B3GNT5: variants seen among roughly 807,000 people sequenced by gnomAD.
B3GNT5 encodes the protein UDP-GlcNAc:betaGal beta-1,3-N-acetylglucosaminyltransferase 5, also known as lactosylceramide 1,3-N-acetyl-beta-D-glucosaminyltransferase.
In B3GNT5, 11 loss-of-function variants were observed where a neutral mutation model predicts 25.9. The observed-to-expected ratio is 0.42, with a 90% CI of 0.27 to 0.70. B3GNT5 has a LOEUF of 0.70. Among genes scored for constraint, B3GNT5 ranks in the 30% least tolerant of loss-of-function variants. The pLI, the probability that B3GNT5 is intolerant of heterozygous loss-of-function variation, is 0.23. For synonymous variants in B3GNT5, 166 were observed against 158.6 expected (o/e 1.05, Z -0.35); for missense variants, 385 against 458.4 (o/e 0.84, Z 1.46).
At chr3:183,256,542 C>T (rs1421911138) in intron 1 of B3GNT5, among the ~76,000 whole-genome samples, 1 of 152,124 alleles carries the variant, frequency 6.6e-6, no homozygotes, top group East Asian at 1.9e-4. Flanking sequence ...CCATAGAAGG[C>T]TTTAACACTA....
At chr3:183,268,327 T>C (rs951217546) in intron 1 of B3GNT5, among the ~76,000 whole-genome samples, 29 of 152,132 alleles carry the variant, frequency 1.9e-4, no homozygotes, top group African/African-American at 7.0e-4. Flanking sequence ...TTAAAAGAGC[T>C]CAGTTTGTCT....
chr3:183,272,789 T>C lies in B3GNT5; in HGVS notation c.*1854T>C, dbSNP rs946947901. The C allele has an allele frequency of 5.2e-6, 6 of 1,146,302 alleles. No homozygotes were observed. The highest frequency in any genetic ancestry group is 3.7e-5 in the South Asian group (1 of 26,856). The allele number at this position is 1,146,302 out of a possible 1,614,324, so 71.0% of individuals were successfully genotyped here. A position where few individuals can be genotyped will look rare whatever the true frequency, so the allele number is the denominator to read the frequency against. On this transcript the variant is annotated 3_prime_UTR_variant, in exon 2 of 2. Transcript: ENST00000326505. ...TATTGCCTTTTGCCCATATATACCC[T>C]GTGTATCTATACTTGGAAGTGTTTA...
At position 183,273,253 on chromosome 3, in the gene B3GNT5, A is replaced by T; in HGVS notation, c.*2318A>T. 2.7e-6 allele frequency: 1 copy of T among 368,298 alleles called. No individual in the cohort carries two copies. The allele number at this position is 368,298 out of a possible 1,614,324, so 22.8% of individuals were successfully genotyped here. A position where few individuals can be genotyped will look rare whatever the true frequency, so the allele number is the denominator to read the frequency against. ...TTTTTTTACCTTTTGGTTGGTTTGCATCTTTTTTCCATATTGTTAATTTTA... is the reference window on the plus strand; with the variant it reads ...TTTTTTTACCTTTTGGTTGGTTTGCTTCTTTTTTCCATATTGTTAATTTTA... On this transcript the variant is annotated 3_prime_UTR_variant, in exon 2 of 2. Coordinates refer to ENST00000326505, the MANE Select transcript of B3GNT5 (RefSeq NM_032047.5).
intron 1 of B3GNT5, chr3:183,265,224 G>A (rs1305840356): frequency 2.0e-5 from 3 of 152,178 alleles, no homozygotes; most frequent in Non-Finnish European, 2.9e-5. Flanking sequence ...AATAAATCTG[G>A]CCCCAAACAG....
At chr3:183,261,563 C>T (rs1725587138) in intron 1 of B3GNT5, among the ~76,000 whole-genome samples, 2 of 152,114 alleles carry the variant, frequency 1.3e-5, no homozygotes, top group African/African-American at 2.4e-5. Context: ...ACTTTCTAAG[C>T]ATATCACTTT....
intron 1 of B3GNT5, among the ~76,000 whole-genome samples, chr3:183,254,977 A>C (rs971650480): frequency 6.6e-6 from 1 of 152,212 alleles, no homozygotes; most frequent in African/African-American, 2.4e-5. Flanking sequence ...CACCCTGTAC[A>C]TTCTTGGCCG....
Position 183,267,494 on chromosome 3 carries a change from A to T in B3GNT5, c.-301-2004A>T, listed in dbSNP as rs1726267605. On this transcript the variant is annotated intron_variant, in intron 1 of 1. Coordinates refer to ENST00000326505, the MANE Select transcript of B3GNT5 (RefSeq NM_032047.5). The surrounding 1 kb of genome is among the most constrained non-coding windows in gnomAD (Gnocchi z 5.5). The stretch of plus-strand genomic sequence containing the variant: ...GCTAGGCCCATTCTGCAGGGCACTC[A>T]GTGTGTACAGTTGGTTTTCTATCAG... 6.6e-6 allele frequency among the ~76,000 whole-genome samples: 1 copy of T among 152,212 alleles called. No individual in the cohort carries two copies. Among genetic ancestry groups the T allele is most frequent in the African/African-American group, 2.4e-5 (1 of 41,454 alleles).
rs577147009 is a variant in B3GNT5 at position 183,270,573 on chromosome 3, G to A, written c.775G>A (p.Val259Ile). 2 of 1,614,190 alleles carry A rather than the reference G, an allele frequency of 1.2e-6. No individual in the cohort carries two copies. Among genetic ancestry groups the A allele is most frequent in the East Asian group, 2.2e-5 (1 of 44,880 alleles). Residue 259 changes from valine to isoleucine, a missense_variant, in exon 2 of 2, where the codon GTA (valine) becomes ATA (isoleucine). Val to Ile is a conservative substitution (Grantham distance 29). Coordinates refer to ENST00000326505, the MANE Select transcript of B3GNT5 (RefSeq NM_032047.5). This position sits in a 1 kb window ranked among gnomAD's most constrained non-coding sequence, Gnocchi z 4.5. Reference protein sequence around the residue: ...YPDYTAGAAYVISGDVAAKVY... With the variant: ...YPDYTAGAAYIISGDVAAKVY... Reference sequence around the variant, plus strand: ...TGACTACACAGCCGGAGCTGCCTATGTAATCTCCGGTGATGTAGCTGCCAA... The same window carrying A: ...TGACTACACAGCCGGAGCTGCCTATATAATCTCCGGTGATGTAGCTGCCAA...
chr3:183,267,891 C>A lies in B3GNT5; in HGVS notation c.-301-1607C>A, dbSNP rs555326990. ...TTTGAGTAAACAGTGGCTCCACCCCCGGCATGGTTCTTTGCACCAACATTT... is the reference window on the plus strand; with the variant it reads ...TTTGAGTAAACAGTGGCTCCACCCCAGGCATGGTTCTTTGCACCAACATTT... On this transcript the variant is annotated intron_variant, in intron 1 of 1. Coordinates refer to ENST00000326505, the MANE Select transcript of B3GNT5 (RefSeq NM_032047.5). The surrounding 1 kb of genome is among the most constrained non-coding windows in gnomAD (Gnocchi z 5.5). 3.3e-5 allele frequency among the ~76,000 whole-genome samples: 5 copies of A among 152,320 alleles called. No individual in the cohort carries two copies. The highest frequency in any genetic ancestry group is 1.2e-4 in the African/African-American group (5 of 41,562).
chr3:183,261,625 T>C (rs1479585611), intron 1 of B3GNT5, among the ~76,000 whole-genome samples: 2 of 152,206 alleles, frequency 1.3e-5, no homozygotes, highest in South Asian at 2.1e-4. Flanking sequence ...AAGTATTAAA[T>C]TGATTTTTTA....
At position 183,270,243 on chromosome 3, in the gene B3GNT5, G is replaced by A; in HGVS notation, c.445G>A (p.Glu149Lys). ...GEELQRKLAW[E>K]DQRYNDIIQQ... ...AGAACTACAAAGAAAACTGGCTTGGGAAGATCAAAGGTACAATGATATAAT... is the reference window on the plus strand; with the variant it reads ...AGAACTACAAAGAAAACTGGCTTGGAAAGATCAAAGGTACAATGATATAAT... The change falls in exon 2 of 2, where the codon GAA (glutamate) becomes AAA (lysine). Residue 149 changes from glutamate to lysine, a missense_variant. By Grantham distance (56) the Glu-to-Lys change is moderately conservative. Coordinates refer to ENST00000326505, the MANE Select transcript of B3GNT5 (RefSeq NM_032047.5). The surrounding 1 kb of genome is among the most constrained non-coding windows in gnomAD (Gnocchi z 4.5). 1 of 1,614,150 alleles carries A rather than the reference G, an allele frequency of 6.2e-7. No individual in the cohort carries two copies. Among genetic ancestry groups the A allele is most frequent in the South Asian group, 1.1e-5 (1 of 91,084 alleles).
chr3:183,261,192 G>GA (rs1204290516), intron 1 of B3GNT5, among the ~76,000 whole-genome samples: 2 of 152,230 alleles, frequency 1.3e-5, no homozygotes, highest in African/African-American at 4.8e-5. Context: ...AATTTATTAA[G>GA]AAAAAATCTA....
intron 1 of B3GNT5, among the ~76,000 whole-genome samples, chr3:183,261,020 A>G (rs1026801155): frequency 6.6e-6 from 1 of 152,206 alleles, no homozygotes; most frequent in Non-Finnish European, 1.5e-5. Context: ...TAGAGGTCTT[A>G]TATTGGAAAT....
Position 183,271,701 on chromosome 3 carries a change from G to GA in B3GNT5, c.*769dup, listed in dbSNP as rs1354792586. 6.0e-6 allele frequency: 1 copy of GA among 166,932 alleles called. No individual in the cohort carries two copies. The highest frequency in any genetic ancestry group is 1.5e-5 in the Non-Finnish European group (1 of 68,080). 10.3% of individuals were successfully genotyped at this position (166,932 alleles called of 1,614,324 possible). On this transcript the variant is annotated 3_prime_UTR_variant, in exon 2 of 2. Coordinates refer to ENST00000326505, the MANE Select transcript of B3GNT5 (RefSeq NM_032047.5). Reference sequence around the variant, plus strand: ...TGCTCATAGGGTCCTTCTCTAGGGAGAAACCATTGTTAATTCAAATAAGCT... The same window carrying GA: ...TGCTCATAGGGTCCTTCTCTAGGGAGAAAACCATTGTTAATTCAAATAAGCT...
intron 1 of B3GNT5, among the ~76,000 whole-genome samples, chr3:183,259,109 A>G (rs1725352237): frequency 6.6e-6 from 1 of 152,170 alleles, no homozygotes; most frequent in African/African-American, 2.4e-5. Context: ...CCAACTGCAT[A>G]TGGGTTTCTA....
intron 1 of B3GNT5, among the ~76,000 whole-genome samples, chr3:183,256,941 G>A (rs986879638): frequency 3.9e-5 from 6 of 152,220 alleles, no homozygotes; most frequent in Middle Eastern, 3.4e-3. Context: ...CAGTATTTGC[G>A]ATGTGTTAAA....
intron 1 of B3GNT5, among the ~76,000 whole-genome samples, chr3:183,255,131 C>T (rs749160479): frequency 7.2e-5 from 11 of 152,048 alleles, no homozygotes; most frequent in Non-Finnish European, 1.5e-4. Context: ...TGCGTCTGTG[C>T]CTTTATTTTG....
intron 1 of B3GNT5, among the ~76,000 whole-genome samples, chr3:183,257,504 G>A (rs1174735113): frequency 6.6e-6 from 1 of 152,180 alleles, no homozygotes; most frequent in Non-Finnish European, 1.5e-5. Context: ...TTTCAGGGCT[G>A]CCCGCTGTAA....
chr3:183,270,990 A>G lies in B3GNT5; in HGVS notation c.*55A>G. ...TCACTGAGTCAAACCTGGATGAAAA[A>G]AACCTTTAAATGTTCGTCTATACCC... On this transcript the variant is annotated 3_prime_UTR_variant, in exon 2 of 2. Coordinates refer to ENST00000326505, the MANE Select transcript of B3GNT5 (RefSeq NM_032047.5). This position sits in a 1 kb window ranked among gnomAD's most constrained non-coding sequence, Gnocchi z 4.5. 6.8e-6 allele frequency: 10 copies of G among 1,473,446 alleles called. No individual in the cohort carries two copies. The highest frequency in any genetic ancestry group is 9.1e-6 in the Non-Finnish European group (10 of 1,098,692). The allele number at this position is 1,473,446 out of a possible 1,614,324, so 91.3% of individuals were successfully genotyped here.
Sources: gnomAD v4.1 joint callset for allele counts (sites outside exome capture counted in the v4.1 genomes callset) on GRCh38, gnomAD v4.1.1 for gene constraint, Gnocchi (gnomAD v3.1) non-coding constraint, MANE v1.5 for transcripts, NCBI Gene and HGNC (gene_info 2026-07-23, HGNC 2026-07-21) for gene names.